Variants in CECR2 observed in about 807,000 individuals in gnomAD.
CECR2 encodes chromatin remodeling regulator CECR2.
A neutral mutation model predicts 154.5 loss-of-function variants in CECR2; 30 were observed. The observed-to-expected ratio is 0.19, with a 90% confidence interval of 0.15 to 0.26. The LOEUF (loss-of-function observed/expected upper bound fraction) is 0.26. CECR2 is among the 10% of genes least tolerant of loss of function. CECR2 has a pLI of 1.00. For synonymous variants in CECR2, 725 were observed against 683.7 expected (o/e 1.06, Z -0.94); for missense variants, 1,743 against 1,829.3 (o/e 0.95, Z 0.86).
intron 2 of CECR2, 111 bp downstream of exon 2, chr22:17,477,793 G>A (rs977114280): frequency 6.9e-5 from 53 of 769,318 alleles, no homozygotes; most frequent in East Asian, 1.3e-4. Context: ...TAGGCATCAC[G>A]GGACACTGTA....
chr22:17,377,463 A>T (rs1386698151), intron 1 of CECR2, among the ~76,000 whole-genome samples: 2 of 150,370 alleles, frequency 1.3e-5, no homozygotes, highest in Non-Finnish European at 3.0e-5. Flanking sequence ...GTATCTCACT[A>T]TGTTACCCAG....
intron 2 of CECR2, among the ~76,000 whole-genome samples, chr22:17,491,526 T>C (rs2055528766): frequency 1.3e-5 from 2 of 149,544 alleles, no homozygotes; most frequent in Admixed American, 6.8e-5. Context: ...CATGAATTTG[T>C]TTTAAGTGTA....
chr22:17,506,306 A>G (rs967836129), intron 7 of CECR2, among the ~76,000 whole-genome samples: 1 of 150,662 alleles, frequency 6.6e-6, no homozygotes, highest in Non-Finnish European at 1.5e-5. Context: ...TTTTAATTTT[A>G]TCTGTGCGTA....
In CECR2 at chr22:17,406,395, C is replaced by G. The variant is rs113627096; in HGVS notation, c.126+36486C>G. On this transcript the variant is annotated intron_variant, in intron 1 of 18. Coordinates refer to ENST00000262608, the MANE Select transcript of CECR2 (RefSeq NM_001290047.2). Reference sequence around the variant, plus strand: ...AAAATTAGCCAGGCGTGGTGGCACACGCCTGTAATCCCAGCTACTGAGGAG... The same window carrying G: ...AAAATTAGCCAGGCGTGGTGGCACAGGCCTGTAATCCCAGCTACTGAGGAG... Among the ~76,000 whole-genome samples, 19 of 152,246 alleles carry G rather than the reference C, an allele frequency of 1.2e-4. 2 individuals carry two copies. The highest frequency in any genetic ancestry group is 4.3e-4 in the African/African-American group (18 of 41,552).
Position 17,431,229 on chromosome 22 carries a change from G to T in CECR2, c.127-46359G>T, listed in dbSNP as rs573923652. Among the ~76,000 whole-genome samples, 19 of 152,328 alleles carry T rather than the reference G, an allele frequency of 1.2e-4. 1 individual carries two copies. In the East Asian group the frequency reaches 3.7e-3, roughly 29 times the overall value. On this transcript the variant is annotated intron_variant, in intron 1 of 18. Transcript: ENST00000262608. ...TTTAGCTCTTACAACTCTGATGTAT[G>T]TAGGATTGCTGTTTCTTTTACAGGT...
At chr22:17,492,281 A>G (rs1281242646) in intron 2 of CECR2, among the ~76,000 whole-genome samples, 1 of 152,176 alleles carries the variant, frequency 6.6e-6, no homozygotes, top group Non-Finnish European at 1.5e-5. Context: ...CTGCCCTTTC[A>G]TGTCCCTAAC....
At chr22:17,541,072 C>T (rs1406432018) in intron 14 of CECR2, among the ~76,000 whole-genome samples, 1 of 152,206 alleles carries the variant, frequency 6.6e-6, no homozygotes, top group Non-Finnish European at 1.5e-5. Context: ...GCATGAGCCA[C>T]TGTGTCTAGC....
intron 2 of CECR2, among the ~76,000 whole-genome samples, chr22:17,492,415 TG>T (rs1001105553): frequency 3.3e-5 from 5 of 152,210 alleles, no homozygotes; most frequent in Admixed American, 3.3e-4. Context: ...AGGCTTGTGC[TG>T]GAACACTTGA....
intron 1 of CECR2, among the ~76,000 whole-genome samples, chr22:17,447,842 A>G (rs909240148): frequency 6.6e-6 from 1 of 151,348 alleles, no homozygotes; most frequent in African/African-American, 2.4e-5. Flanking sequence ...TGTAAAGATT[A>G]GTTCTCTAGC....
At chr22:17,376,688 G>A (rs531386989) in intron 1 of CECR2, among the ~76,000 whole-genome samples, 2 of 151,504 alleles carry the variant, frequency 1.3e-5, no homozygotes, top group Non-Finnish European at 2.9e-5. Flanking sequence ...GCCCAGGCTG[G>A]AGTGCAGTGG....
chr22:17,426,939 A>G (rs1450146818), intron 1 of CECR2, among the ~76,000 whole-genome samples: 1 of 151,982 alleles, frequency 6.6e-6, no homozygotes, highest in Non-Finnish European at 1.5e-5. Context: ...ATAGGTATAC[A>G]TGTGCCATGT....
At chr22:17,416,130 A>G (rs2054153462) in intron 1 of CECR2, among the ~76,000 whole-genome samples, 1 of 152,240 alleles carries the variant, frequency 6.6e-6, no homozygotes, top group South Asian at 2.1e-4. Flanking sequence ...GATACCTTAA[A>G]GGGAACCTTT....
chr22:17,413,084 A>G (rs1382306809), intron 1 of CECR2, among the ~76,000 whole-genome samples: 2 of 151,386 alleles, frequency 1.3e-5, no homozygotes, highest in Non-Finnish European at 2.9e-5. Flanking sequence ...TGTTGGGAAT[A>G]CTCCTTTTGC....
At chr22:17,373,344 T>A (rs1293669030) in intron 1 of CECR2, among the ~76,000 whole-genome samples, 1 of 152,194 alleles carries the variant, frequency 6.6e-6, no homozygotes, top group African/African-American at 2.4e-5. Flanking sequence ...ACCTGCCAAG[T>A]ATATAATAGT....
intron 2 of CECR2, 113 bp downstream of exon 2, chr22:17,477,795 G>C (rs1234959392): frequency 2.1e-5 from 16 of 755,208 alleles, no homozygotes; most frequent in Admixed American, 2.0e-4. Flanking sequence ...GGCATCACGG[G>C]ACACTGTAGA....
At chr22:17,400,167 A>G (rs2053870748) in intron 1 of CECR2, among the ~76,000 whole-genome samples, 1 of 152,218 alleles carries the variant, frequency 6.6e-6, no homozygotes, top group South Asian at 2.1e-4. Context: ...CATTAGTGTG[A>G]CTTAGGAATT....
At position 17,556,842 on chromosome 22, in the gene CECR2, T is replaced by G. The variant is rs747653382; in HGVS notation, c.*4002T>G. ...ATCAGTCCCATATATTAGTGAGCCA[T>G]GTACTGCCCAATCCGGGGGCTCCTG... is the stretch of plus-strand genomic sequence containing the variant. On this transcript the variant is annotated 3_prime_UTR_variant, in exon 19 of 19. Transcript: ENST00000262608. 2 of 152,262 alleles carry G rather than the reference T, an allele frequency of 1.3e-5. No individual in the cohort carries two copies. The highest frequency in any genetic ancestry group is 2.9e-5 in the Non-Finnish European group (2 of 68,064). 9.4% of individuals were successfully genotyped at this position (152,262 alleles called of 1,614,324 possible).
At chr22:17,524,797 G>A (rs1569141686) in intron 9 of CECR2, 6 of 321,918 alleles carry the variant, frequency 1.9e-5, no homozygotes, top group East Asian at 1.7e-4. Context: ...TCAGCCTCCC[G>A]AGTAGCTAGG....
chr22:17,487,050 A>C (rs2055434482), intron 2 of CECR2, among the ~76,000 whole-genome samples: 1 of 152,146 alleles, frequency 6.6e-6, no homozygotes, highest in Non-Finnish European at 1.5e-5. Context: ...TTTCAGCTCG[A>C]TGGTGAAATG....
Sources: gnomAD v4.1 joint callset for allele counts (sites outside exome capture counted in the v4.1 genomes callset) on GRCh38, gnomAD v4.1.1 for gene constraint, MANE v1.5 for transcripts, NCBI Gene and HGNC (gene_info 2026-07-23, HGNC 2026-07-21) for gene names.